Variants in IQGAP3 observed in about 807,000 individuals in gnomAD.
IQGAP3 encodes the protein ras GTPase-activating-like protein IQGAP3.
IQGAP3 carries 165 observed loss-of-function variants against 208.2 expected under a neutral mutation model. The ratio of observed to expected loss-of-function variants is 0.79; its 90% CI spans 0.70 to 0.90. The LOEUF (loss-of-function observed/expected upper bound fraction) is 0.90, where lower values mean the gene tolerates loss of function less well. Ranked by LOEUF, IQGAP3 falls within the 40% of genes least tolerant of loss-of-function variation. IQGAP3 has a pLI of 0.00. For synonymous variants in IQGAP3, 703 were observed against 803.6 expected (o/e 0.87, Z 2.12); for missense variants, 1,811 against 2,043.1 (o/e 0.89, Z 2.19).
intron 37 of IQGAP3, among the ~76,000 whole-genome samples, chr1:156,527,185 A>T (rs1272478393): frequency 6.6e-6 from 1 of 151,804 alleles, no homozygotes; most frequent in Non-Finnish European, 1.5e-5. Context: ...GATTTGGATT[A>T]AAAACTACTG....
intron 36 of IQGAP3, among the ~76,000 whole-genome samples, 192 bp downstream of exon 36, chr1:156,528,317 T>C (rs1674205665): frequency 6.6e-6 from 1 of 152,212 alleles, no homozygotes; most frequent in Non-Finnish European, 1.5e-5. Context: ...TCAGGGCATC[T>C]AGAACTGTGC....
intron 5 of IQGAP3, 108 bp downstream of exon 5, chr1:156,564,507 C>G: frequency 1.3e-6 from 1 of 799,382 alleles, no homozygotes; most frequent in East Asian, 2.4e-5. Flanking sequence ...CTGAGCAGTG[C>G]TCCCTGTGGT....
At chr1:156,542,283 G>A (rs994184722) in intron 22 of IQGAP3, among the ~76,000 whole-genome samples, 1 of 152,168 alleles carries the variant, frequency 6.6e-6, no homozygotes, top group African/African-American at 2.4e-5. Flanking sequence ...TCTGCTTCCT[G>A]GGCTCAAGAG....
intron 1 of IQGAP3, among the ~76,000 whole-genome samples, chr1:156,570,818 C>A (rs935608810): frequency 1.3e-5 from 2 of 152,224 alleles, no homozygotes; most frequent in African/African-American, 4.8e-5. Context: ...AGATTATTAT[C>A]AGAAGAGAAA....
chr1:156,560,376 T>G (rs1273969402), intron 11 of IQGAP3, among the ~76,000 whole-genome samples: 2 of 152,198 alleles, frequency 1.3e-5, no homozygotes, highest in East Asian at 3.9e-4. Context: ...TCTGCCATGG[T>G]GGCAGGTGCC....
intron 13 of IQGAP3, among the ~76,000 whole-genome samples, chr1:156,552,609 T>C (rs1002070891): frequency 1.3e-5 from 2 of 152,202 alleles, no homozygotes; most frequent in Non-Finnish European, 2.9e-5. Context: ...CAGTTTGCTT[T>C]CAAAATGTAT....
rs752453089 is a variant in IQGAP3, at chr1:156,561,009, C to A, written c.1054G>T (p.Val352Leu). 3 of 1,613,254 alleles carry A rather than the reference C, an allele frequency of 1.9e-6. No individual in the cohort carries two copies. In the South Asian group the frequency reaches 3.3e-5, roughly 18 times the overall value. ...REQKAQELGL[V>L]ELLEKEEVQA... ...ACTTCCTCCTTTTCCAGAAGCTCCACCAGGCCCAGCTCCTAAGAGAGGGAA... is the reference window on the plus strand; with the variant it reads ...ACTTCCTCCTTTTCCAGAAGCTCCAACAGGCCCAGCTCCTAAGAGAGGGAA... Residue 352 changes from valine (V) to leucine (L), a missense_variant, in exon 11 of 38, where the codon GTG becomes TTG. By Grantham distance (32) the Val-to-Leu change is conservative. Coordinates refer to ENST00000361170, the MANE Select transcript of IQGAP3 (RefSeq NM_178229.5).
intron 22 of IQGAP3, among the ~76,000 whole-genome samples, chr1:156,542,765 C>A (rs889194015): frequency 6.6e-6 from 1 of 151,890 alleles, no homozygotes; most frequent in South Asian, 2.1e-4. Flanking sequence ...AATGGGGAGA[C>A]CCCCATCTCT....
chr1:156,565,479 T>G (rs1676360083), intron 4 of IQGAP3, among the ~76,000 whole-genome samples: 1 of 152,210 alleles, frequency 6.6e-6, no homozygotes, highest in Non-Finnish European at 1.5e-5. Context: ...CATTGTAGAA[T>G]CCTATCATGC....
chr1:156,535,933 G>A (rs960092131), intron 27 of IQGAP3, among the ~76,000 whole-genome samples: 1 of 152,204 alleles, frequency 6.6e-6, no homozygotes, highest in Non-Finnish European at 1.5e-5. Context: ...CGAGAGTAAC[G>A]TATAATGGTA....
chr1:156,546,227 G>A (rs957876231), intron 19 of IQGAP3, among the ~76,000 whole-genome samples: 1 of 152,140 alleles, frequency 6.6e-6, no homozygotes, highest in Non-Finnish European at 1.5e-5. Flanking sequence ...CCTGGATGGG[G>A]TTCTGGCCAG....
intron 1 of IQGAP3, among the ~76,000 whole-genome samples, chr1:156,571,300 C>CA (rs1194067839): frequency 6.6e-6 from 1 of 152,132 alleles, no homozygotes; most frequent in African/African-American, 2.4e-5. Context: ...AAAATAAACT[C>CA]AGAGAGCTTG....
In IQGAP3 at chr1:156,530,324, A is replaced by G; in HGVS notation, c.4192-7T>C. Reference sequence around the variant, plus strand: ...GCTGCTTGTGGGCTGCTTCCTGGGGACACACAGACGCTGGAGGGGTCTACC... The same window carrying G: ...GCTGCTTGTGGGCTGCTTCCTGGGGGCACACAGACGCTGGAGGGGTCTACC... On this transcript the variant is annotated splice_polypyrimidine_tract_variant and splice_region_variant and intron_variant, in intron 33 of 37. Coordinates refer to ENST00000361170, the MANE Select transcript of IQGAP3 (RefSeq NM_178229.5). 1 of 1,604,076 alleles carries G rather than the reference A, an allele frequency of 6.2e-7. No individual in the cohort carries two copies. The highest frequency in any genetic ancestry group is 2.2e-5 in the East Asian group (1 of 44,838).
rs761611835 is a variant in IQGAP3, at chr1:156,544,407, G to A, written c.2370C>T (p.Asn790=). 34 of 1,613,696 alleles carry A rather than the reference G, an allele frequency of 2.1e-5. No individual in the cohort carries two copies. The Admixed American group carries it at 5.5e-4, about 26-fold the overall frequency. Residue 790 remains asparagine (N), a synonymous_variant, in exon 20 of 38, where the codon AAC becomes AAT. Transcript: ENST00000361170. The part of the protein sequence containing the change: ...YLEWLQYFKA[N]LDAIIKIQAW... ...TAGCTACCTTGATTATGGCATCCAG[G>A]TTTGCTTTAAAATACTGCAACCACT... is the stretch of plus-strand genomic sequence containing the variant.
chr1:156,563,436 G>C (rs1676255465), intron 7 of IQGAP3, 117 bp downstream of exon 7: 1 of 1,317,576 alleles, frequency 7.6e-7, no homozygotes, highest in South Asian at 1.4e-5. Flanking sequence ...AAACCAGGTA[G>C]CCTGATGGCC....
Position 156,553,741 on chromosome 1 carries a change from C to T in IQGAP3, c.1448+494G>A, listed in dbSNP as rs377065626. On this transcript the variant is annotated intron_variant, in intron 13 of 37. Transcript: ENST00000361170. Reference sequence around the variant, plus strand: ...GGATTAGAGGCATGTGCCACCACGCCCGGCTAATTTTGTATTTTTAGTAGA... The same window carrying T: ...GGATTAGAGGCATGTGCCACCACGCTCGGCTAATTTTGTATTTTTAGTAGA... 9.2e-5 allele frequency among the ~76,000 whole-genome samples: 14 copies of T among 152,178 alleles called. No individual in the cohort carries two copies. The South Asian group carries it at 1.0e-3, about 11-fold the overall frequency.
At chr1:156,536,825 A>C (rs1674710186) in intron 27 of IQGAP3, 1 of 171,216 alleles carries the variant, frequency 5.8e-6, no homozygotes, top group African/African-American at 2.4e-5. Context: ...GAGAACTATA[A>C]AGTACTTTAT....
chr1:156,528,759 A>G (rs1471024577), intron 35 of IQGAP3, 149 bp from the exon 36 acceptor site: 1 of 1,087,934 alleles, frequency 9.2e-7, no homozygotes, highest in Non-Finnish European at 1.3e-6. Context: ...TGAGCCCAAG[A>G]CTTTGTAAAT....
chr1:156,535,780 G>A (rs1294262408), intron 27 of IQGAP3, among the ~76,000 whole-genome samples: 1 of 152,162 alleles, frequency 6.6e-6, no homozygotes, highest in East Asian at 1.9e-4. Context: ...GCTCCAGTTT[G>A]GACTCCACCA....
Sources: gnomAD v4.1 joint callset for allele counts (sites outside exome capture counted in the v4.1 genomes callset) on GRCh38, gnomAD v4.1.1 for gene constraint, MANE v1.5 for transcripts, NCBI Gene and HGNC (gene_info 2026-07-23, HGNC 2026-07-21) for gene names.